The following FIGNL2 variants were observed in gnomAD, a reference collection of about 807,000 sequenced individuals.
FIGNL2 encodes the protein fidgetin like 2, also known as fidgetin-like protein 2.
For missense variants in FIGNL2, 1,060 were observed against 950.2 expected (o/e 1.12, Z -1.52); for synonymous variants, 565 against 484.0 (o/e 1.17, Z -2.20).
chr12:51,846,659 G>A (rs993687459), intron 1 of FIGNL2, among the ~76,000 whole-genome samples: 1 of 151,862 alleles, frequency 6.6e-6, no homozygotes, highest in Non-Finnish European at 1.5e-5. Flanking sequence ...CCAGAGAATC[G>A]GGCAGGGCCT....
intron 1 of FIGNL2, among the ~76,000 whole-genome samples, chr12:51,840,995 G>A (rs1939651288): frequency 6.6e-6 from 1 of 152,220 alleles, no homozygotes; most frequent in South Asian, 2.1e-4. Context: ...GTGGGAGAGA[G>A]ACATGCCCCC....
At chr12:51,835,656 T>C (rs1939567519) in intron 1 of FIGNL2, among the ~76,000 whole-genome samples, 1 of 151,796 alleles carries the variant, frequency 6.6e-6, no homozygotes, top group Admixed American at 6.5e-5. Flanking sequence ...AACAACCGTA[T>C]GTGGAAGTGG....
At chr12:51,835,096 C>T (rs1939557793) in intron 1 of FIGNL2, among the ~76,000 whole-genome samples, 1 of 152,202 alleles carries the variant, frequency 6.6e-6, no homozygotes, top group African/African-American at 2.4e-5. Context: ...TCAAAATAAG[C>T]AGATCTCCAG....
At chr12:51,829,281 C>T (rs1255333471) in intron 1 of FIGNL2, among the ~76,000 whole-genome samples, 1 of 152,244 alleles carries the variant, frequency 6.6e-6, no homozygotes. Context: ...CTGCTGCTTA[C>T]AACGGGTGCC....
At chr12:51,829,944 T>C (rs891084674) in intron 1 of FIGNL2, among the ~76,000 whole-genome samples, 6 of 152,086 alleles carry the variant, frequency 3.9e-5, no homozygotes, top group Non-Finnish European at 8.8e-5. Flanking sequence ...AAGAGATCTA[T>C]TGTTAAATAT....
intron 1 of FIGNL2, among the ~76,000 whole-genome samples, chr12:51,842,904 G>C (rs1249165478): frequency 1.3e-5 from 2 of 152,218 alleles, no homozygotes; most frequent in Non-Finnish European, 2.9e-5. Flanking sequence ...TGAGCTCCTT[G>C]AAGGTGGCAC....
Position 51,822,045 on chromosome 12 carries a change from G to A in FIGNL2, c.369C>T (p.Gly123=), listed in dbSNP as rs1216831383. The A allele has an allele frequency of 1.2e-6, 2 of 1,608,276 alleles. No individual in the cohort carries two copies. Among genetic ancestry groups the A allele is most frequent in the Admixed American group, 1.7e-5 (1 of 59,540 alleles). The change falls in exon 2 of 2, where the codon GGC becomes GGT. Residue 123 remains glycine (G), a synonymous_variant. Transcript: ENST00000618634. ...EGLPGTKSGG[G]GGSGALGGSP... ...AGCCCCCCAGGGCCCCGGAACCGCC[G>A]CCACCGCCCGATTTGGTTCCTGGGA...
chr12:51,835,513 A>C (rs1939565612), intron 1 of FIGNL2: 1 of 152,246 alleles, frequency 6.6e-6, no homozygotes, highest in Non-Finnish European at 1.5e-5. Context: ...TTCAGCCCTG[A>C]ACACAGCCTC....
Position 51,828,834 on chromosome 12 carries a change from A to G in FIGNL2, c.-11-6410T>C, listed in dbSNP as rs375262015. On this transcript the variant is annotated intron_variant, in intron 1 of 1. Coordinates refer to ENST00000618634, the MANE Select transcript of FIGNL2 (RefSeq NM_001384995.1). ...CCACTTTCTTCATCTGTCCATTGAG[A>G]CCGCTGGTTTAGATCAGTGGACCTC... 6.6e-5 allele frequency among the ~76,000 whole-genome samples: 10 copies of G among 152,350 alleles called. No individual in the cohort carries two copies. In the East Asian group the frequency reaches 1.7e-3, roughly 26 times the overall value.
At chr12:51,824,495 G>A (rs531410083) in intron 1 of FIGNL2, 1 of 152,248 alleles carries the variant, frequency 6.6e-6, no homozygotes, top group Non-Finnish European at 1.5e-5. Flanking sequence ...CCATAAAAGT[G>A]TAGCTTAAAA....
At chr12:51,828,118 C>T (rs1939382509) in intron 1 of FIGNL2, among the ~76,000 whole-genome samples, 1 of 152,184 alleles carries the variant, frequency 6.6e-6, no homozygotes, top group Non-Finnish European at 1.5e-5. Context: ...AGTGGCTCTG[C>T]CCCCGAGTGC....
At chr12:51,841,112 G>A (rs1449401876) in intron 1 of FIGNL2, among the ~76,000 whole-genome samples, 1 of 152,200 alleles carries the variant, frequency 6.6e-6, no homozygotes, top group Non-Finnish European at 1.5e-5. Context: ...CCCTGGGGGG[G>A]CTGAGCCGAG....
At chr12:51,834,567 T>C (rs1316220457) in intron 1 of FIGNL2, among the ~76,000 whole-genome samples, 4 of 152,090 alleles carry the variant, frequency 2.6e-5, no homozygotes, top group Non-Finnish European at 4.4e-5. Context: ...GGGTGGGAGA[T>C]GTGGTGAGGG....
At chr12:51,830,028 C>T (rs1939422214) in intron 1 of FIGNL2, among the ~76,000 whole-genome samples, 1 of 152,018 alleles carries the variant, frequency 6.6e-6, no homozygotes, top group Admixed American at 6.6e-5. Flanking sequence ...GTGGCTCATG[C>T]CTGTAATCCT....
chr12:51,847,867 T>C (rs1158157428), intron 1 of FIGNL2: 6 of 973,130 alleles, frequency 6.2e-6, no homozygotes, highest in Admixed American at 6.2e-5. Context: ...GCTCCGGGGG[T>C]CCCCCTTGTT....
intron 1 of FIGNL2, among the ~76,000 whole-genome samples, chr12:51,825,323 C>T (rs905165101): frequency 2.0e-4 from 31 of 152,280 alleles, no homozygotes; most frequent in African/African-American, 6.5e-4. Context: ...ACCGCCAGCC[C>T]CTATGCTCCT....
chr12:51,822,314 A>G lies in FIGNL2; in HGVS notation c.100T>C (p.Leu34=), dbSNP rs1206449936. ...TTPSPAHKLE[L]PPGGRQRCHY... Reference sequence around the variant, plus strand: ...CAGCGTTGGCGACCCCCAGGGGGCAACTCCAACTTGTGGGCCGGCGACGGG... The same window carrying G: ...CAGCGTTGGCGACCCCCAGGGGGCAGCTCCAACTTGTGGGCCGGCGACGGG... The change falls in exon 2 of 2, where the codon TTG becomes CTG. Residue 34 remains leucine, a synonymous_variant. Coordinates refer to ENST00000618634, the MANE Select transcript of FIGNL2 (RefSeq NM_001384995.1). 1.2e-6 allele frequency: 2 copies of G among 1,612,592 alleles called. No homozygotes were observed. Among genetic ancestry groups the G allele is most frequent in the South Asian group, 1.1e-5 (1 of 90,748 alleles).
chr12:51,841,537 A>G (rs950455868), intron 1 of FIGNL2: 2 of 152,262 alleles, frequency 1.3e-5, no homozygotes, highest in South Asian at 2.1e-4. Flanking sequence ...CTGAGGGAGC[A>G]GTTCATTCCC....
At chr12:51,845,780 G>T (rs1218328353) in intron 1 of FIGNL2, 1 of 461,096 alleles carries the variant, frequency 2.2e-6, no homozygotes, top group Non-Finnish European at 2.8e-6. Flanking sequence ...GAGCTTGGGG[G>T]GAGAGTCGGG....
Sources: gnomAD v4.1 joint callset for allele counts (sites outside exome capture counted in the v4.1 genomes callset) on GRCh38, gnomAD v4.1.1 for gene constraint, MANE v1.5 for transcripts, NCBI Gene and HGNC (gene_info 2026-07-23, HGNC 2026-07-21) for gene names.